PHRF1: variants seen among roughly 807,000 people sequenced by gnomAD.
PHRF1 encodes PHD and RING finger domain-containing protein 1.
A neutral mutation model predicts 128.9 loss-of-function variants in PHRF1; 53 were observed. That is an observed-to-expected ratio of 0.41 (90% confidence interval 0.33 to 0.52). PHRF1 has a LOEUF of 0.52. Ranked by LOEUF, PHRF1 falls within the 20% of genes least tolerant of loss-of-function variation. PHRF1 has a pLI of 0.21. For synonymous variants in PHRF1, 1,178 were observed against 980.6 expected, an observed-to-expected ratio of 1.20 and a Z score of -3.76; for missense variants, 2,503 against 2,284.5, an observed-to-expected ratio of 1.10 and a Z score of -1.95.
At chr11:609,813 C>CTGG in intron 14 of PHRF1, 93 bp downstream of exon 14, 2 of 803,960 alleles carry the variant, frequency 2.5e-6, no homozygotes, top group Admixed American at 3.3e-5. Context: ...GAGTAAGGCC[C>CTGG]CGGCCTCCAC....
At position 610,297 on chromosome 11, in the gene PHRF1, C is replaced by G. The variant is rs747847384; in HGVS notation, c.4366C>G (p.Pro1456Ala). 4.0e-5 allele frequency: 62 copies of G among 1,564,320 alleles called. No homozygotes were observed. Among genetic ancestry groups the G allele is most frequent in the Non-Finnish European group, 5.3e-5 (61 of 1,154,572 alleles). The change falls in exon 15 of 18, where the codon CCC (proline) becomes GCC (alanine). Residue 1456 changes from proline (P) to alanine (A), a missense_variant. Physicochemically the swap from Pro to Ala is conservative, Grantham distance 27. Transcript: ENST00000264555. ...VRQVFSELPF[P>A]SHVLPEPGFP... ...GCAGGTGTTCTCCGAGCTGCCCTTTCCCAGTCACGTGCTTCCGGAACCCGG... is the reference window on the plus strand; with the variant it reads ...GCAGGTGTTCTCCGAGCTGCCCTTTGCCAGTCACGTGCTTCCGGAACCCGG...
intron 9 of PHRF1, among the ~76,000 whole-genome samples, chr11:598,969 A>G (rs1326336568): frequency 1.3e-5 from 2 of 152,068 alleles, no homozygotes; most frequent in Non-Finnish European, 2.9e-5. Context: ...AGTGCTGGTT[A>G]ACTTTGATGA....
At chr11:578,758 C>T (rs1208914269) in intron 1 of PHRF1, among the ~76,000 whole-genome samples, 1 of 152,168 alleles carries the variant, frequency 6.6e-6, no homozygotes, top group Non-Finnish European at 1.5e-5. Context: ...CCATGTTGCC[C>T]AGGCTGGTCT....
chr11:587,582 T>A, intron 4 of PHRF1, 118 bp downstream of exon 4: 1 of 1,030,190 alleles, frequency 9.7e-7, no homozygotes, highest in Non-Finnish European at 1.4e-6. Flanking sequence ...CGGCTGACCC[T>A]GGGGCCACAG....
At chr11:594,287 G>A (rs1357448382) in intron 6 of PHRF1, among the ~76,000 whole-genome samples, 2 of 152,226 alleles carry the variant, frequency 1.3e-5, no homozygotes, top group Non-Finnish European at 2.9e-5. Context: ...CCTGGTCCTG[G>A]TCGCCACAGG....
chr11:608,914 C>T lies in PHRF1; in HGVS notation c.3458C>T (p.Ala1153Val), dbSNP rs368788772. The T allele has an allele frequency of 1.2e-4, 189 of 1,611,952 alleles. 1 individual carries two copies. The African/African-American group carries it at 1.9e-3, about 16-fold the overall frequency. The part of the protein sequence containing the change: ...HERPDRKESV[A>V]WPRDRRKRRS... ...CGGCCAGACAGGAAGGAGAGTGTGG[C>T]GTGGCCCCGAGACCGGAGGAAGCGG... is the stretch of plus-strand genomic sequence containing the variant. Residue 1153 changes from alanine (A) to valine (V), a missense_variant, in exon 14 of 18, where the codon GCG (alanine) becomes GTG (valine). Physicochemically the swap from Ala to Val is moderately conservative, Grantham distance 64 (BLOSUM62 0). Transcript: ENST00000264555.
At chr11:581,459 G>A (rs761740991) in intron 1 of PHRF1, 33 bp from the exon 2 acceptor site, 4 of 1,598,598 alleles carry the variant, frequency 2.5e-6, no homozygotes, top group East Asian at 4.5e-5. Context: ...GCCTGGGACA[G>A]TTTGGAAGTT....
At position 608,408 on chromosome 11, in the gene PHRF1, C is replaced by G. The variant is rs757343452; in HGVS notation, c.2952C>G (p.Val984=). 8.1e-6 allele frequency: 13 copies of G among 1,611,434 alleles called. No individual in the cohort carries two copies. The highest frequency in any genetic ancestry group is 1.7e-5 in the Admixed American group (1 of 59,834). Residue 984 remains valine (V), a synonymous_variant, in exon 14 of 18, where the codon GTC becomes GTG. Transcript: ENST00000264555. Reference sequence around the variant, plus strand: ...TGCTGCAGGCTGCCACCCACAGAGTCGTGGAGCTCAGGCCCCCTTCCCGGT... The same window carrying G: ...TGCTGCAGGCTGCCACCCACAGAGTGGTGGAGCTCAGGCCCCCTTCCCGGT... The part of the protein sequence containing the change: ...PDVLQAATHR[V]VELRPPSRSR...
At position 609,170 on chromosome 11, in the gene PHRF1, C is replaced by A. The variant is rs1455739480; in HGVS notation, c.3714C>A (p.Ala1238=). Residue 1238 remains alanine, a synonymous_variant, in exon 14 of 18, where the codon GCC becomes GCA. Transcript: ENST00000264555. ...VSPEVATADK[A]PLQAPPVLEV... is the part of the protein sequence containing the mutation. ...CGGAGGTGGCTACGGCCGACAAGGC[C>A]CCCCTGCAGGCTCCCCCTGTCCTGG... 3.1e-6 allele frequency: 5 copies of A among 1,606,156 alleles called. No homozygotes were observed. The highest frequency in any genetic ancestry group is 4.2e-6 in the Non-Finnish European group (5 of 1,178,882).
Position 597,635 on chromosome 11 carries a change from G to T in PHRF1, c.894+65G>T. 1 of 1,518,886 alleles carries T rather than the reference G, an allele frequency of 6.6e-7. No homozygotes were observed. Among genetic ancestry groups the T allele is most frequent in the Non-Finnish European group, 8.9e-7 (1 of 1,127,664 alleles). The allele number at this position is 1,518,886 out of a possible 1,614,324, so 94.1% of individuals were successfully genotyped here. ...CTGCCCAGAGTGATCTCGGCAGTCT[G>T]GGTGGGTGGGAGGGGCGTCGTCGGC... On this transcript the variant is annotated intron_variant, in intron 8 of 17. Transcript: ENST00000264555. The surrounding 1 kb of genome is among the most constrained non-coding windows in gnomAD (Gnocchi z 6.5).
intron 2 of PHRF1, 114 bp downstream of exon 2, chr11:581,720 T>G: frequency 8.9e-7 from 1 of 1,129,716 alleles, no homozygotes; most frequent in African/African-American, 1.6e-5. Context: ...AAAAAAATTA[T>G]GCTTTGATTT....
rs367747625 is a variant in PHRF1, at chr11:608,839, G to A, written c.3383G>A (p.Ser1128Asn). 1.2e-6 allele frequency: 2 copies of A among 1,612,154 alleles called. No homozygotes were observed. The highest frequency in any genetic ancestry group is 8.5e-7 in the Non-Finnish European group (1 of 1,179,830). Residue 1128 changes from serine (S) to asparagine (N), a missense_variant, in exon 14 of 18, where the codon AGC (serine) becomes AAC (asparagine). Ser to Asn is a conservative substitution (Grantham distance 46). Coordinates refer to ENST00000264555, the MANE Select transcript of PHRF1 (RefSeq NM_001286581.2). ...GGAAGGGAGTGCTCCCCCACCAGCA[G>A]CCTGGAGAGGCTCTGCAGGCACAAG... is the stretch of plus-strand genomic sequence containing the variant. Reference protein sequence around the residue: ...PRGRECSPTSSLERLCRHKHQ... With the variant: ...PRGRECSPTSNLERLCRHKHQ...
chr11:596,359 C>T (rs903706802), intron 6 of PHRF1, among the ~76,000 whole-genome samples: 1 of 152,202 alleles, frequency 6.6e-6, no homozygotes, highest in Admixed American at 6.5e-5. Flanking sequence ...AGCAAAGAAA[C>T]CTTCGCCTTC....
chr11:609,248 C>T lies in PHRF1; in HGVS notation c.3792C>T (p.Ser1264=), dbSNP rs200569537. The T allele has an allele frequency of 3.3e-5, 53 of 1,611,572 alleles. No homozygotes were observed. The highest frequency in any genetic ancestry group is 1.6e-4 in the Middle Eastern group (1 of 6,062). Residue 1264 remains serine (S), a synonymous_variant, in exon 14 of 18, where the codon TCC becomes TCT. Coordinates refer to ENST00000264555, the MANE Select transcript of PHRF1 (RefSeq NM_001286581.2). ...PDDLDLDYGD[S]VEAGHVFDDF... Reference sequence around the variant, plus strand: ...ACCTGGACCTGGATTATGGCGACTCCGTGGAGGCCGGACACGTCTTTGATG... The same window carrying T: ...ACCTGGACCTGGATTATGGCGACTCTGTGGAGGCCGGACACGTCTTTGATG...
intron 10 of PHRF1, among the ~76,000 whole-genome samples, chr11:604,646 C>G (rs1159692844): frequency 5.3e-5 from 8 of 152,130 alleles, no homozygotes; most frequent in African/African-American, 1.9e-4. Context: ...TCCTGAGTAG[C>G]TGGGATTACA....
chr11:603,730 T>G (rs11826379), intron 10 of PHRF1, among the ~76,000 whole-genome samples: 1 of 20,998 alleles, frequency 4.8e-5, no homozygotes, highest in African/African-American at 1.1e-4. Flanking sequence ...TTTAAGTTTG[T>G]TTTTTTTTTT....
chr11:600,308 C>T (rs927671927), intron 9 of PHRF1, among the ~76,000 whole-genome samples: 5 of 149,446 alleles, frequency 3.3e-5, no homozygotes, highest in East Asian at 2.0e-4. Context: ...AGTGCAATGG[C>T]GCAATCTCAG....
Position 607,977 on chromosome 11 carries a change from A to G in PHRF1, c.2521A>G (p.Ser841Gly). 4.3e-6 allele frequency: 7 copies of G among 1,611,522 alleles called. No individual in the cohort carries two copies. The highest frequency in any genetic ancestry group is 5.9e-6 in the Non-Finnish European group (7 of 1,179,816). ...DPSDPTGSDS[S>G]APGSSPERSG... is the part of the protein sequence containing the mutation. ...ATCCGACCCCACCGGCTCCGACTCC[A>G]GCGCCCCTGGCAGCAGCCCCGAGAG... The change falls in exon 14 of 18, where the codon AGC becomes GGC. Residue 841 changes from serine to glycine, a missense_variant. Ser to Gly is a moderately conservative substitution (Grantham distance 56). Transcript: ENST00000264555.
rs186820466 is a variant in PHRF1, at chr11:597,075, T to G, written c.718+55T>G. 2.4e-5 allele frequency: 38 copies of G among 1,555,570 alleles called. No individual in the cohort carries two copies. The Admixed American group carries it at 4.6e-4, about 19-fold the overall frequency. On this transcript the variant is annotated intron_variant, in intron 7 of 17. Transcript: ENST00000264555. The surrounding 1 kb of genome is among the most constrained non-coding windows in gnomAD (Gnocchi z 6.5). ...ACATGGGCCTTCTCACTGTCCACTC[T>G]GCGGTCCCCGGGGTTAGGTTTGGCT... is the stretch of plus-strand genomic sequence containing the variant.
Sources: allele counts gnomAD v4.1 joint callset (sites outside exome capture counted in the v4.1 genomes callset), GRCh38; gene constraint gnomAD v4.1.1; non-coding constraint Gnocchi (gnomAD v3.1); transcripts MANE v1.5; gene names NCBI Gene and HGNC (gene_info 2026-07-23, HGNC 2026-07-21).